Variants in ANKRD17 observed in about 807,000 individuals in gnomAD.
ANKRD17 encodes the protein ankyrin repeat domain-containing protein 17.
Under a neutral mutation model 229.7 loss-of-function variants are expected in ANKRD17, and 19 were observed. The observed-to-expected ratio is 0.08, with a 90% CI of 0.06 to 0.12. The LOEUF (loss-of-function observed/expected upper bound fraction) is 0.12, where lower values mean the gene tolerates loss of function less well. Ranked by LOEUF, ANKRD17 falls within the 10% of genes least tolerant of loss-of-function variation. The pLI, the probability that ANKRD17 is intolerant of heterozygous loss-of-function variation, is 1.00. For missense variants in ANKRD17, 2,176 were observed against 3,176.8 expected, an observed-to-expected ratio of 0.68 and a Z score of 7.57; for synonymous variants, 1,112 against 1,146.1, an observed-to-expected ratio of 0.97 and a Z score of 0.60.
At position 73,128,734 on chromosome 4, in the gene ANKRD17, G is replaced by T. The variant is rs80213263; in HGVS notation, c.3235-3422C>A. 2.5e-4 allele frequency among the ~76,000 whole-genome samples: 38 copies of T among 152,216 alleles called. No homozygotes were observed. The East Asian group carries it at 6.2e-3, about 25-fold the overall frequency. ...AGATTTCAAGAAACAAACATTTAAA[G>T]CTAAGAAAACAGCTTTAAATTCCTT... On this transcript the variant is annotated intron_variant, in intron 16 of 33. Transcript: ENST00000358602.
At chr4:73,203,758 C>CAA (rs67020753) in intron 1 of ANKRD17, among the ~76,000 whole-genome samples, 8,004 of 81,938 alleles carry the variant, frequency 0.098, 571 homozygotes, top group Non-Finnish European at 0.13. Context: ...GACTCCGTCT[C>CAA]AAAAAAAAAA....
chr4:73,223,328 CAT>C (rs974705171), intron 1 of ANKRD17, among the ~76,000 whole-genome samples: 28 of 152,296 alleles, frequency 1.8e-4, no homozygotes, highest in African/African-American at 6.7e-4. Flanking sequence ...AAAGAAATAA[CAT>C]ATTTTTTAAA....
chr4:73,091,830 C>G lies in ANKRD17; in HGVS notation c.5798G>C (p.Ser1933Thr). The G allele has an allele frequency of 6.2e-7, 1 of 1,614,152 alleles. No individual in the cohort carries two copies. Among genetic ancestry groups the G allele is most frequent in the Non-Finnish European group, 8.5e-7 (1 of 1,180,026 alleles). Residue 1933 changes from serine (S) to threonine (T), a missense_variant, in exon 29 of 34, where the codon AGC becomes ACC. Ser to Thr is a moderately conservative substitution (Grantham distance 58). This residue lies in a region of ANKRD17 where 142 missense variants were observed against 200.4 expected (regional missense o/e 0.71). Coordinates refer to ENST00000358602, the MANE Select transcript of ANKRD17 (RefSeq NM_032217.5). ...TWGPFPVRPL[S>T]PARATNSPKP... ...AGGCGAGTTAGTAGCTCTGGCAGGGCTCAAAGGCCTGACAGGAAACGGACC... is the reference window on the plus strand; with the variant it reads ...AGGCGAGTTAGTAGCTCTGGCAGGGGTCAAAGGCCTGACAGGAAACGGACC...
At chr4:73,227,146 T>C (rs1050258126) in intron 1 of ANKRD17, among the ~76,000 whole-genome samples, 2 of 152,126 alleles carry the variant, frequency 1.3e-5, no homozygotes, top group Admixed American at 1.3e-4. Context: ...ACAAGCCACC[T>C]TCCAGTTCAA....
In ANKRD17 at chr4:73,142,339, C is replaced by T; in HGVS notation, c.2132G>A (p.Ser711Asn). 1.9e-6 allele frequency: 3 copies of T among 1,586,080 alleles called. No individual in the cohort carries two copies. The highest frequency in any genetic ancestry group is 1.4e-5 in the African/African-American group (1 of 72,986). The change falls in exon 13 of 34, where the codon AGT becomes AAT. Residue 711 changes from serine (S) to asparagine (N), a missense_variant. Ser to Asn is a conservative substitution (Grantham distance 46). Coordinates refer to ENST00000358602, the MANE Select transcript of ANKRD17 (RefSeq NM_032217.5). ...ATAATCCAAGAGATAGCAAACAACA[C>T]TTGTATGGCCACCTTTTGCTGCTTC... is the stretch of plus-strand genomic sequence containing the variant. ...LIEAAKGGHT[S>N]VVCYLLDYPN...
intron 1 of ANKRD17, among the ~76,000 whole-genome samples, chr4:73,211,285 G>T (rs1056493062): frequency 3.8e-4 from 57 of 151,988 alleles, no homozygotes; most frequent in African/African-American, 1.3e-3. Flanking sequence ...AAGATAAAGA[G>T]GGTAGCAGGT....
intron 1 of ANKRD17, among the ~76,000 whole-genome samples, chr4:73,239,909 A>G (rs1447340332): frequency 6.6e-6 from 1 of 152,196 alleles, no homozygotes; most frequent in Non-Finnish European, 1.5e-5. Context: ...TCTTAAAAGG[A>G]TATTACCCCC....
intron 14 of ANKRD17, among the ~76,000 whole-genome samples, chr4:73,141,301 G>A (rs1279221844): frequency 6.6e-6 from 1 of 152,160 alleles, no homozygotes; most frequent in Admixed American, 6.5e-5. Flanking sequence ...TGAATTATTG[G>A]TTGAGAAAAG....
chr4:73,252,971 C>T (rs915810717), intron 1 of ANKRD17, among the ~76,000 whole-genome samples: 9 of 152,150 alleles, frequency 5.9e-5, no homozygotes, highest in Non-Finnish European at 1.3e-4. Flanking sequence ...TCCCCTTATA[C>T]AAGCCGAATG....
rs527889613 is a variant in ANKRD17, at chr4:73,171,499, T to C, written c.547+5881A>G. Among the ~76,000 whole-genome samples the C allele has an allele frequency of 2.9e-4, 44 of 152,272 alleles. 1 individual carries two copies. Among genetic ancestry groups the C allele is most frequent in the Non-Finnish European group, 5.1e-4 (35 of 68,022 alleles). On this transcript the variant is annotated intron_variant, in intron 2 of 33. Transcript: ENST00000358602. ...CTATAATAAATACCTAATTCTTCAA[T>C]GCCCAGACACCAACAAACATCTGCA... is the stretch of plus-strand genomic sequence containing the variant.
chr4:73,243,883 A>C (rs1440176056), intron 1 of ANKRD17, among the ~76,000 whole-genome samples: 2 of 152,156 alleles, frequency 1.3e-5, no homozygotes, highest in Non-Finnish European at 2.9e-5. Flanking sequence ...TCTGTTTCTT[A>C]TTTCTCCAGT....
intron 5 of ANKRD17, among the ~76,000 whole-genome samples, chr4:73,155,276 A>C (rs574433655): frequency 1.9e-4 from 29 of 152,258 alleles, no homozygotes; most frequent in African/African-American, 7.0e-4. Context: ...CTTTTGTTCC[A>C]CAATTGTTTG....
At chr4:73,250,544 G>A (rs1157032098) in intron 1 of ANKRD17, among the ~76,000 whole-genome samples, 9 of 122,408 alleles carry the variant, frequency 7.4e-5, no homozygotes, top group African/African-American at 2.6e-4. Context: ...AGGTTGCAGT[G>A]AGCCGAGAGC....
chr4:73,246,215 C>G lies in ANKRD17; in HGVS notation c.393+12061G>C, dbSNP rs151260459. Reference sequence around the variant, plus strand: ...CCAGAGCAAAGTTGTCACAACTCCTCCCCCGAAGGATTTCATTATTAATAT... The same window carrying G: ...CCAGAGCAAAGTTGTCACAACTCCTGCCCCGAAGGATTTCATTATTAATAT... On this transcript the variant is annotated intron_variant, in intron 1 of 33. Coordinates refer to ENST00000358602, the MANE Select transcript of ANKRD17 (RefSeq NM_032217.5). 5.3e-5 allele frequency among the ~76,000 whole-genome samples: 8 copies of G among 152,258 alleles called. No individual in the cohort carries two copies. In the East Asian group the frequency reaches 1.2e-3, roughly 22 times the overall value.
At chr4:73,097,058 A>G in intron 27 of ANKRD17, 59 bp downstream of exon 27, 1 of 1,532,940 alleles carries the variant, frequency 6.5e-7, no homozygotes, top group South Asian at 1.3e-5. Flanking sequence ...ATTATAAGGT[A>G]GATAACACTT....
intron 30 of ANKRD17, among the ~76,000 whole-genome samples, chr4:73,081,992 T>A (rs896057724): frequency 1.3e-5 from 2 of 151,326 alleles, no homozygotes; most frequent in Middle Eastern, 3.2e-3. Flanking sequence ...CAAAAAAAAA[T>A]TTAACAAATT....
intron 1 of ANKRD17, among the ~76,000 whole-genome samples, chr4:73,198,815 C>G (rs1304271007): frequency 6.6e-6 from 1 of 152,094 alleles, no homozygotes; most frequent in African/African-American, 2.4e-5. Context: ...TACTCAAAGA[C>G]ATTCTCCCAT....
At chr4:73,173,797 T>TCTTCCC (rs1734351793) in intron 2 of ANKRD17, among the ~76,000 whole-genome samples, 1 of 152,078 alleles carries the variant, frequency 6.6e-6, no homozygotes, top group African/African-American at 2.4e-5. Flanking sequence ...AAGAGCCTTG[T>TCTTCCC]AAGCACACCC....
At chr4:73,119,921 G>A (rs1041044281) in intron 21 of ANKRD17, among the ~76,000 whole-genome samples, 15 of 152,238 alleles carry the variant, frequency 9.9e-5, no homozygotes, top group African/African-American at 2.6e-4. Context: ...TATTGTAGAC[G>A]TTAAAAGTAA....
Sources: gnomAD v4.1 joint callset for allele counts (sites outside exome capture counted in the v4.1 genomes callset) on GRCh38, gnomAD v4.1.1 for gene constraint, gnomAD v4.1.1 regional missense constraint, MANE v1.5 for transcripts, NCBI Gene and HGNC (gene_info 2026-07-23, HGNC 2026-07-21) for gene names.